The following CCSER1 variants were observed in gnomAD, a reference collection of about 807,000 sequenced individuals.
The protein encoded by CCSER1 is serine-rich coiled-coil domain-containing protein 1.
A neutral mutation model predicts 82.0 loss-of-function variants in CCSER1; 41 were observed. That is an observed-to-expected ratio of 0.50 (90% CI 0.39 to 0.65). The LOEUF (loss-of-function observed/expected upper bound fraction) is 0.65, where lower values mean the gene tolerates loss of function less well. CCSER1 is among the 30% of genes least tolerant of loss of function. CCSER1 has a pLI of 0.00. For missense variants in CCSER1, 1,119 were observed against 1,064.2 expected (o/e 1.05, Z -0.72); for synonymous variants, 414 against 383.9 (o/e 1.08, Z -0.92).
intron 1 of CCSER1, among the ~76,000 whole-genome samples, chr4:90,276,197 T>TCTTTCTTTCTTTCTTC: frequency 9.9e-5 from 4 of 40,380 alleles, no homozygotes; most frequent in Non-Finnish European, 1.5e-4. Flanking sequence ...TTTCTTTCTT[T>TCTTTCTTTCTTTCTTC]CTTTCTTTCT....
intron 5 of CCSER1, among the ~76,000 whole-genome samples, chr4:90,498,274 T>C (rs909595785): frequency 3.3e-5 from 5 of 152,114 alleles, no homozygotes; most frequent in African/African-American, 1.2e-4. Flanking sequence ...ATAAAAGTTA[T>C]GTGAATATAG....
chr4:91,295,272 T>G (rs1291256893), intron 10 of CCSER1, among the ~76,000 whole-genome samples: 1 of 152,004 alleles, frequency 6.6e-6, no homozygotes, highest in Non-Finnish European at 1.5e-5. Flanking sequence ...GTAAATGCAG[T>G]GGATCTTAGT....
At chr4:91,503,761 G>T (rs1759343895) in intron 10 of CCSER1, among the ~76,000 whole-genome samples, 1 of 152,122 alleles carries the variant, frequency 6.6e-6, no homozygotes, top group African/African-American at 2.4e-5. Flanking sequence ...CAGAACTTGA[G>T]AATAATTATA....
intron 9 of CCSER1, among the ~76,000 whole-genome samples, chr4:91,068,780 C>T (rs946303700): frequency 6.6e-6 from 1 of 152,206 alleles, no homozygotes; most frequent in African/African-American, 2.4e-5. Flanking sequence ...AGCATTGAGA[C>T]TCCAGTTTGA....
At chr4:91,280,301 C>G (rs540327116) in intron 10 of CCSER1, among the ~76,000 whole-genome samples, 3 of 152,136 alleles carry the variant, frequency 2.0e-5, no homozygotes, top group Non-Finnish European at 2.9e-5. Context: ...CCTCTGGAGA[C>G]CACCCAAGTT....
At chr4:90,871,079 TC>T (rs146033742) in intron 8 of CCSER1, among the ~76,000 whole-genome samples, 30,836 of 150,108 alleles carry the variant, frequency 0.21, 3,412 homozygotes, top group Non-Finnish European at 0.23. Flanking sequence ...TCTCTTTTTT[TC>T]TTAGACTTTT....
At chr4:90,824,744 G>A (rs1351546478) in intron 8 of CCSER1, among the ~76,000 whole-genome samples, 1 of 152,050 alleles carries the variant, frequency 6.6e-6, no homozygotes, top group Non-Finnish European at 1.5e-5. Context: ...CAGCTCCATG[G>A]ATGATTTACA....
intron 5 of CCSER1, among the ~76,000 whole-genome samples, chr4:90,600,437 C>CT (rs1364595368): frequency 6.6e-6 from 1 of 152,020 alleles, no homozygotes; most frequent in Non-Finnish European, 1.5e-5. Context: ...TGTTGAGCAT[C>CT]TTTTTCTGAG....
intron 9 of CCSER1, among the ~76,000 whole-genome samples, chr4:91,069,921 C>T (rs115155204): frequency 0.013 from 2,029 of 151,908 alleles, 19 homozygotes; most frequent in Non-Finnish European, 0.021. Flanking sequence ...ATAATTTTAC[C>T]ATTTTAAATG....
chr4:90,378,850 A>G (rs1748768527), intron 3 of CCSER1, among the ~76,000 whole-genome samples: 3 of 152,180 alleles, frequency 2.0e-5, no homozygotes, highest in African/African-American at 7.2e-5. Flanking sequence ...AGTTTATATT[A>G]TTAATGTCTC....
intron 10 of CCSER1, among the ~76,000 whole-genome samples, chr4:91,381,366 C>T (rs1267983478): frequency 2.0e-5 from 3 of 152,124 alleles, no homozygotes; most frequent in Non-Finnish European, 2.9e-5. Context: ...CCATTCTCCC[C>T]GTCACTTTCA....
intron 1 of CCSER1, among the ~76,000 whole-genome samples, chr4:90,159,522 A>G (rs1289907165): frequency 6.6e-6 from 1 of 152,180 alleles, no homozygotes. Flanking sequence ...AGAACACACA[A>G]TATGGAAAAA....
intron 10 of CCSER1, among the ~76,000 whole-genome samples, chr4:91,191,793 A>G (rs1277965424): frequency 6.6e-6 from 1 of 152,178 alleles, no homozygotes; most frequent in Non-Finnish European, 1.5e-5. Flanking sequence ...CATCCGTACC[A>G]TGGTGTGCGT....
intron 10 of CCSER1, among the ~76,000 whole-genome samples, chr4:91,452,292 G>T (rs1755911710): frequency 6.6e-6 from 1 of 151,958 alleles, no homozygotes; most frequent in Non-Finnish European, 1.5e-5. Context: ...ATTTGAACTT[G>T]TAACTCAAGC....
intron 9 of CCSER1, among the ~76,000 whole-genome samples, chr4:90,929,464 T>G (rs1430650714): frequency 1.3e-5 from 2 of 152,190 alleles, no homozygotes; most frequent in Non-Finnish European, 2.9e-5. Flanking sequence ...TAAACATAAG[T>G]GCCAACATGC....
intron 1 of CCSER1, among the ~76,000 whole-genome samples, chr4:90,269,576 T>C (rs1489988274): frequency 6.6e-6 from 1 of 151,650 alleles, no homozygotes; most frequent in African/African-American, 2.4e-5. Context: ...TACATCAAAA[T>C]AGAAGAAAAA....
chr4:91,145,247 A>C (rs762494153), intron 10 of CCSER1, among the ~76,000 whole-genome samples: 2 of 152,126 alleles, frequency 1.3e-5, no homozygotes, highest in Non-Finnish European at 2.9e-5. Flanking sequence ...ATTGGTTTAA[A>C]GTATGTTTTA....
At chr4:91,313,112 TATC>T (rs1207967716) in intron 10 of CCSER1, among the ~76,000 whole-genome samples, 1 of 151,950 alleles carries the variant, frequency 6.6e-6, no homozygotes, top group Non-Finnish European at 1.5e-5. Context: ...TTTTTATAAT[TATC>T]ATACCACAAA....
intron 8 of CCSER1, among the ~76,000 whole-genome samples, chr4:90,875,950 T>C (rs1388130238): frequency 1.3e-5 from 2 of 152,222 alleles, no homozygotes; most frequent in Non-Finnish European, 2.9e-5. Context: ...CTATAAATTC[T>C]TAATTTCATG....
Sources: gnomAD v4.1 joint callset for allele counts (sites outside exome capture counted in the v4.1 genomes callset) on GRCh38, gnomAD v4.1.1 for gene constraint, MANE v1.5 for transcripts, NCBI Gene and HGNC (gene_info 2026-07-23, HGNC 2026-07-21) for gene names.